RARB: variants seen among roughly 807,000 people sequenced by gnomAD.
The protein encoded by RARB is HBV-activated protein.
Under a neutral mutation model 51.9 loss-of-function variants are expected in RARB, and 17 were observed. That is an observed-to-expected ratio of 0.33 (90% CI 0.22 to 0.49). The LOEUF (loss-of-function observed/expected upper bound fraction) is 0.49. RARB is among the 20% of genes least tolerant of loss of function. The pLI, the probability that RARB is intolerant of heterozygous loss-of-function variation, is 0.99. For synonymous variants in RARB, 215 were observed against 195.4 expected, an observed-to-expected ratio of 1.10 and a Z score of -0.84; for missense variants, 369 against 550.8, an observed-to-expected ratio of 0.67 and a Z score of 3.30.
chr3:25,566,077 C>T (rs376355534), intron 3 of RARB, among the ~76,000 whole-genome samples: 7 of 152,338 alleles, frequency 4.6e-5, no homozygotes, highest in African/African-American at 7.2e-5. Flanking sequence ...GTCCCAAGAA[C>T]TTGGACAAAG....
intron 2 of RARB, among the ~76,000 whole-genome samples, chr3:24,969,429 C>T (rs1190141662): frequency 6.6e-6 from 1 of 152,054 alleles, no homozygotes; most frequent in Non-Finnish European, 1.5e-5. Flanking sequence ...CAGCTTATTT[C>T]CCAGAAGTGA....
chr3:24,908,183 C>T lies in RARB; in HGVS notation c.-380+49431C>T, dbSNP rs115112453. Among the ~76,000 whole-genome samples the T allele has an allele frequency of 7.3e-3, 1,104 of 152,224 alleles. 14 individuals carry two copies. Among genetic ancestry groups the T allele is most frequent in the African/African-American group, 0.025 (1,052 of 41,558 alleles). On this transcript the variant is annotated intron_variant, in intron 2 of 11. Coordinates refer to the RARB transcript ENST00000383772. ...TGGAGAAAAAGCACTGATTCTTGTT[C>T]AGATATTTGGTCTCCTAGAGGTATA... is the stretch of plus-strand genomic sequence containing the variant.
intron 2 of RARB, among the ~76,000 whole-genome samples, chr3:24,966,126 G>C (rs1696249141): frequency 6.6e-6 from 1 of 150,680 alleles, no homozygotes; most frequent in African/African-American, 2.4e-5. Flanking sequence ...ATTTTAGCTT[G>C]TTAAATTATT....
chr3:24,976,075 C>T (rs1023822057), intron 2 of RARB, among the ~76,000 whole-genome samples: 1 of 152,148 alleles, frequency 6.6e-6, no homozygotes, highest in African/African-American at 2.4e-5. Flanking sequence ...CAGCTTCATC[C>T]ATGTCCCTGC....
intron 2 of RARB, among the ~76,000 whole-genome samples, chr3:24,945,075 T>C (rs1398056207): frequency 2.0e-5 from 3 of 152,258 alleles, no homozygotes; most frequent in Non-Finnish European, 4.4e-5. Flanking sequence ...AACAGTGATA[T>C]AGTTTTAATA....
intron 2 of RARB, among the ~76,000 whole-genome samples, chr3:24,867,203 A>G (rs985382392): frequency 8.5e-5 from 13 of 152,112 alleles, no homozygotes; most frequent in Non-Finnish European, 1.5e-4. Flanking sequence ...CTAGCCTTAC[A>G]AAGGTGGTCT....
chr3:25,124,160 G>A (rs544469317), intron 3 of RARB, among the ~76,000 whole-genome samples: 2 of 152,246 alleles, frequency 1.3e-5, no homozygotes, highest in East Asian at 1.9e-4. Flanking sequence ...GGATCACGAG[G>A]TCAGGAGTTC....
intron 3 of RARB, among the ~76,000 whole-genome samples, chr3:25,119,347 T>C (rs1575169005): frequency 6.6e-6 from 1 of 152,138 alleles, no homozygotes; most frequent in South Asian, 2.1e-4. Context: ...TGTTCCTCCA[T>C]TTGACCTTGG....
At chr3:25,282,480 C>CTTAA (rs10627438) in intron 5 of RARB, among the ~76,000 whole-genome samples, 29,851 of 152,034 alleles carry the variant, frequency 0.2, 3,689 homozygotes, top group South Asian at 0.28. Context: ...TTTCATAGCA[C>CTTAA]TTTTTATGAT....
intron 5 of RARB, among the ~76,000 whole-genome samples, chr3:25,283,192 A>G (rs1413953501): frequency 6.6e-6 from 1 of 152,186 alleles, no homozygotes; most frequent in Non-Finnish European, 1.5e-5. Flanking sequence ...AATAAGGCCA[A>G]AATCAAAAGT....
intron 5 of RARB, among the ~76,000 whole-genome samples, chr3:25,346,940 A>C (rs1705413549): frequency 6.6e-6 from 1 of 152,234 alleles, no homozygotes; most frequent in South Asian, 2.1e-4. Flanking sequence ...AGTTAGTAAG[A>C]GGATTGTTCA....
At chr3:25,093,951 A>G (rs1313599765) in intron 3 of RARB, among the ~76,000 whole-genome samples, 1 of 152,136 alleles carries the variant, frequency 6.6e-6, no homozygotes, top group South Asian at 2.1e-4. Flanking sequence ...AAACACATAT[A>G]CACACAAAAC....
At chr3:25,520,378 G>A (rs191939929) in intron 3 of RARB, among the ~76,000 whole-genome samples, 1 of 152,172 alleles carries the variant, frequency 6.6e-6, no homozygotes, top group Admixed American at 6.5e-5. Flanking sequence ...GGGACCTTCT[G>A]ATTTCAGCTC....
chr3:25,205,722 AAAAT>A (rs901682097), intron 5 of RARB, among the ~76,000 whole-genome samples: 44 of 152,084 alleles, frequency 2.9e-4, no homozygotes, highest in African/African-American at 9.7e-4. Context: ...ATAAAAATAA[AAAAT>A]AAAAACAAAT....
At position 25,117,093 on chromosome 3, in the gene RARB, T is replaced by C. The variant is rs80221584; in HGVS notation, c.-327-15068T>C. 6.8e-3 allele frequency among the ~76,000 whole-genome samples: 1,041 copies of C among 152,290 alleles called. 6 individuals carry two copies. Among genetic ancestry groups the C allele is most frequent in the Middle Eastern group, 0.014 (4 of 294 alleles). ...ATTCATTCAATCAACGAACCAGTGT[T>C]TTTTGAATGCTTAAATGTGCTAGGC... On this transcript the variant is annotated intron_variant, in intron 3 of 11. Coordinates refer to the RARB transcript ENST00000383772.
At chr3:25,155,196 C>A (rs545768843) in intron 4 of RARB, among the ~76,000 whole-genome samples, 1 of 152,148 alleles carries the variant, frequency 6.6e-6, no homozygotes, top group South Asian at 2.1e-4. Flanking sequence ...TATTTTTTAG[C>A]ATTTTTCTTC....
intron 5 of RARB, among the ~76,000 whole-genome samples, chr3:25,188,205 C>G (rs2125361718): frequency 6.6e-6 from 1 of 152,122 alleles, no homozygotes; most frequent in African/African-American, 2.4e-5. Flanking sequence ...GGAATCATCC[C>G]TGATGTTTTA....
intron 2 of RARB, among the ~76,000 whole-genome samples, chr3:24,901,502 A>G (rs1197646276): frequency 1.3e-5 from 2 of 152,180 alleles, no homozygotes; most frequent in Admixed American, 1.3e-4. Context: ...CAACCTCTCT[A>G]CTAGCTGGGA....
At chr3:25,333,596 C>T (rs1346320270) in intron 5 of RARB, among the ~76,000 whole-genome samples, 2 of 152,132 alleles carry the variant, frequency 1.3e-5, no homozygotes, top group African/African-American at 2.4e-5. Flanking sequence ...CTAGGCAATA[C>T]CATTCAGGAC....
Sources: allele counts gnomAD v4.1 joint callset (sites outside exome capture counted in the v4.1 genomes callset), GRCh38; gene constraint gnomAD v4.1.1; transcripts MANE v1.5; gene names NCBI Gene and HGNC (gene_info 2026-07-23, HGNC 2026-07-21).